Variants in PITPNM2 observed in about 807,000 individuals in gnomAD.
The protein encoded by PITPNM2 is phosphatidylinositol transfer protein membrane associated 2, also known as membrane-associated phosphatidylinositol transfer protein 2.
Under a neutral mutation model 132.2 loss-of-function variants are expected in PITPNM2, and 35 were observed. That is an observed-to-expected ratio of 0.26 (90% CI 0.20 to 0.35). PITPNM2 has a LOEUF of 0.35. PITPNM2 is among the 10% of genes least tolerant of loss of function. The probability of loss-of-function intolerance (pLI) is 1.00; values close to 1 mark genes in which losing one functional copy is unlikely to be tolerated. For synonymous variants in PITPNM2, 738 were observed against 799.2 expected (o/e 0.92, Z 1.29); for missense variants, 1,332 against 1,912.0 (o/e 0.70, Z 5.66).
At chr12:123,129,335 G>C (rs565081637) in intron 1 of PITPNM2, among the ~76,000 whole-genome samples, 186 of 152,048 alleles carry the variant, frequency 1.2e-3, no homozygotes, top group African/African-American at 4.0e-3. Context: ...TTGGGAGGCC[G>C]AGGCGGGCGG....
intron 8 of PITPNM2, among the ~76,000 whole-genome samples, chr12:123,002,509 C>T (rs1330597111): frequency 6.6e-6 from 1 of 152,110 alleles, no homozygotes; most frequent in East Asian, 1.9e-4. Flanking sequence ...ACCTCCTGGG[C>T]TCAAGTGATC....
Position 123,129,172 on chromosome 12 carries a change from A to C in PITPNM2, c.-199-18684T>G, listed in dbSNP as rs191521260. On this transcript the variant is annotated intron_variant, in intron 1 of 25. Coordinates refer to ENST00000320201, the MANE Select transcript of PITPNM2 (RefSeq NM_020845.3). ...GTAATGAGGCTAGGCATGGTGGCGCACACTTGTAGTCCCAACTACTCGGCA... is the reference window on the plus strand; with the variant it reads ...GTAATGAGGCTAGGCATGGTGGCGCCCACTTGTAGTCCCAACTACTCGGCA... 1.9e-4 allele frequency among the ~76,000 whole-genome samples: 29 copies of C among 151,588 alleles called. No individual in the cohort carries two copies. The East Asian group carries it at 5.1e-3, about 27-fold the overall frequency.
intron 1 of PITPNM2, among the ~76,000 whole-genome samples, chr12:123,131,653 C>T (rs985535356): frequency 2.6e-5 from 4 of 152,196 alleles, no homozygotes; most frequent in Non-Finnish European, 5.9e-5. Context: ...CACCCTTACT[C>T]TTGCCCCAGT....
chr12:123,065,094 C>G (rs752085401), intron 2 of PITPNM2, among the ~76,000 whole-genome samples: 1 of 152,246 alleles, frequency 6.6e-6, no homozygotes, highest in Non-Finnish European at 1.5e-5. Flanking sequence ...CCGCTGGAGG[C>G]CCCTGGACGG....
At chr12:123,119,637 C>T (rs546863124) in intron 1 of PITPNM2, among the ~76,000 whole-genome samples, 22 of 152,128 alleles carry the variant, frequency 1.4e-4, no homozygotes, top group Non-Finnish European at 2.4e-4. Flanking sequence ...GGATTACAGG[C>T]GTGAGCCACC....
intron 2 of PITPNM2, chr12:123,089,799 C>T (rs1195984596): frequency 1.3e-5 from 2 of 152,182 alleles, no homozygotes; most frequent in African/African-American, 4.8e-5. Context: ...GCAGGTAAGA[C>T]CTGGATTCTG....
intron 2 of PITPNM2, among the ~76,000 whole-genome samples, chr12:123,101,550 C>T (rs2042563245): frequency 6.6e-6 from 1 of 152,166 alleles, no homozygotes; most frequent in Non-Finnish European, 1.5e-5. Flanking sequence ...CTTCCCAAGC[C>T]CCTCAAAGCA....
In PITPNM2 at chr12:123,031,176, C is replaced by T. The variant is rs1350389333; in HGVS notation, c.78+3337G>A. 6.6e-6 allele frequency among the ~76,000 whole-genome samples: 1 copy of T among 152,160 alleles called. No individual in the cohort carries two copies. The highest frequency in any genetic ancestry group is 1.5e-5 in the Non-Finnish European group (1 of 68,034). On this transcript the variant is annotated intron_variant, in intron 3 of 25. Coordinates refer to ENST00000320201, the MANE Select transcript of PITPNM2 (RefSeq NM_020845.3). This position sits in a 1 kb window ranked among gnomAD's most constrained non-coding sequence, Gnocchi z 4.5. Reference sequence around the variant, plus strand: ...AATAAAAGCAAAACAAGACAACAACCAATCAAGTAAGCCCAAAGCCCCTAG... The same window carrying T: ...AATAAAAGCAAAACAAGACAACAACTAATCAAGTAAGCCCAAAGCCCCTAG...
Position 123,000,883 on chromosome 12 carries a change from G to T in PITPNM2, c.1154-35C>A. 6.2e-7 allele frequency: 1 copy of T among 1,613,114 alleles called. No individual in the cohort carries two copies. On this transcript the variant is annotated intron_variant, in intron 9 of 25. Transcript: ENST00000320201. This position sits in a 1 kb window ranked among gnomAD's most constrained non-coding sequence, Gnocchi z 5.4. ...CACAGAAGCCGTGCTGTGAGCTGAG[G>T]GGCAGCCCAACCTGGCCGACCGGAC...
intron 1 of PITPNM2, among the ~76,000 whole-genome samples, chr12:123,139,597 C>T (rs1033844719): frequency 1.3e-5 from 2 of 152,130 alleles, no homozygotes; most frequent in African/African-American, 4.8e-5. Context: ...CACTGGGCTT[C>T]CAGAGACCCT....
At chr12:123,138,077 C>T (rs1047203488) in intron 1 of PITPNM2, among the ~76,000 whole-genome samples, 2 of 152,118 alleles carry the variant, frequency 1.3e-5, no homozygotes, top group African/African-American at 4.8e-5. Flanking sequence ...AGCCCAGAAA[C>T]ATCTAAACGT....
chr12:123,051,451 G>C (rs1029998059), intron 2 of PITPNM2, among the ~76,000 whole-genome samples: 1 of 152,104 alleles, frequency 6.6e-6, no homozygotes, highest in African/African-American at 2.4e-5. Flanking sequence ...TTGTATTCTG[G>C]ATTTCTCCAC....
intron 2 of PITPNM2, among the ~76,000 whole-genome samples, chr12:123,109,132 C>A (rs2042782704): frequency 6.6e-6 from 1 of 152,238 alleles, no homozygotes; most frequent in Admixed American, 6.5e-5. Context: ...AACCTACCCC[C>A]ACCAGCATCC....
intron 2 of PITPNM2, among the ~76,000 whole-genome samples, chr12:123,066,211 G>A (rs995363037): frequency 2.0e-5 from 3 of 152,198 alleles, no homozygotes; most frequent in African/African-American, 7.2e-5. Flanking sequence ...GGGAGCCAGG[G>A]CTGGATGCAG....
At chr12:122,988,621 G>A in intron 19 of PITPNM2, 103 bp downstream of exon 19, 1 of 1,234,102 alleles carries the variant, frequency 8.1e-7, no homozygotes, top group Non-Finnish European at 1.1e-6. Context: ...GTGATCTGAT[G>A]GGGTTGGAGA....
At position 123,039,006 on chromosome 12, in the gene PITPNM2, A is replaced by T. The variant is rs535195496; in HGVS notation, c.-95-4321T>A. Among the ~76,000 whole-genome samples the T allele has an allele frequency of 1.3e-4, 19 of 148,896 alleles. 1 individual carries two copies. In the South Asian group the frequency reaches 4.1e-3, roughly 32 times the overall value. ...ACACCTGTAATCCAGACACTTGGGG[A>T]GGCTAAGGGCAGAGCTGAGGGTAGG... On this transcript the variant is annotated intron_variant, in intron 2 of 25. Coordinates refer to ENST00000320201, the MANE Select transcript of PITPNM2 (RefSeq NM_020845.3).
intron 2 of PITPNM2, among the ~76,000 whole-genome samples, chr12:123,050,653 T>C (rs946723858): frequency 6.6e-6 from 1 of 152,190 alleles, no homozygotes; most frequent in Non-Finnish European, 1.5e-5. Flanking sequence ...CACATTCACG[T>C]GTCTGTACAA....
chr12:123,056,736 T>G (rs548603300), intron 2 of PITPNM2, among the ~76,000 whole-genome samples: 41 of 152,298 alleles, frequency 2.7e-4, no homozygotes, highest in African/African-American at 9.6e-4. Context: ...GGGGCTGGGA[T>G]AGCCTCAGGG....
intron 1 of PITPNM2, among the ~76,000 whole-genome samples, chr12:123,119,928 G>T (rs1351259856): frequency 6.6e-6 from 1 of 151,888 alleles, no homozygotes; most frequent in African/African-American, 2.4e-5. Context: ...GCATACGCTT[G>T]CCACCCACGT....
Sources: gnomAD v4.1 joint callset for allele counts (sites outside exome capture counted in the v4.1 genomes callset) on GRCh38, gnomAD v4.1.1 for gene constraint, Gnocchi (gnomAD v3.1) non-coding constraint, MANE v1.5 for transcripts, NCBI Gene and HGNC (gene_info 2026-07-23, HGNC 2026-07-21) for gene names.